ADCY3: variants seen among roughly 807,000 people sequenced by gnomAD.
ADCY3 encodes adenylate cyclase type 3.
Under a neutral mutation model 119.4 loss-of-function variants are expected in ADCY3, and 70 were observed. The ratio of observed to expected loss-of-function variants is 0.59; its 90% confidence interval spans 0.48 to 0.72. ADCY3 has a LOEUF of 0.72. Among genes scored for constraint, ADCY3 ranks in the 30% least tolerant of loss-of-function variants. The probability of loss-of-function intolerance (pLI) is 0.00; values close to 1 mark genes in which losing one functional copy is unlikely to be tolerated. For missense variants in ADCY3, 1,238 were observed against 1,541.6 expected, an observed-to-expected ratio of 0.80 and a Z score of 3.30; for synonymous variants, 672 against 621.4, an observed-to-expected ratio of 1.08 and a Z score of -1.21.
At chr2:24,856,928 G>A (rs1392074630) in intron 3 of ADCY3, among the ~76,000 whole-genome samples, 2 of 152,190 alleles carry the variant, frequency 1.3e-5, no homozygotes, top group Non-Finnish European at 2.9e-5. Context: ...CTGCATAACT[G>A]TAAAAGTCAG....
intron 16 of ADCY3, 114 bp downstream of exon 16, chr2:24,825,930 TG>T: frequency 1.0e-6 from 1 of 973,188 alleles, no homozygotes; most frequent in Non-Finnish European, 1.6e-6. Context: ...CGTGTGGGGC[TG>T]GGTGAAGGGA....
At position 24,821,578 on chromosome 2, in the gene ADCY3, G is replaced by A. The variant is rs758865596; in HGVS notation, c.3066C>T (p.Ala1022=). ...TGATGTTGGTGAGCGTATCCTTCAT[G>A]GCCAGCGCGAAGTCGGCCAGGTCAG... The part of the protein sequence containing the change: ...HLADLADFAL[A]MKDTLTNINN... Residue 1022 remains alanine, a synonymous_variant, in exon 20 of 22, where the codon GCC becomes GCT. Coordinates refer to ENST00000679454, the MANE Select transcript of ADCY3 (RefSeq NM_004036.5). 2 of 1,614,158 alleles carry A rather than the reference G, an allele frequency of 1.2e-6. No individual in the cohort carries two copies. The highest frequency in any genetic ancestry group is 2.2e-5 in the South Asian group (2 of 91,072).
intron 2 of ADCY3, among the ~76,000 whole-genome samples, chr2:24,882,335 G>A (rs146117552): frequency 2.6e-5 from 4 of 152,304 alleles, no homozygotes; most frequent in African/African-American, 9.6e-5. Context: ...CTAGGCTTTG[G>A]AGGAGTTGGT....
At position 24,842,171 on chromosome 2, in the gene ADCY3, C is replaced by A; in HGVS notation, c.956+83G>T. The A allele has an allele frequency of 6.3e-7, 1 of 1,590,440 alleles. No individual in the cohort carries two copies. The highest frequency in any genetic ancestry group is 8.6e-7 in the Non-Finnish European group (1 of 1,168,760). The stretch of plus-strand genomic sequence containing the variant: ...TAGTCCCTGGAAAACCTCTTGAAGC[C>A]CACAGCACCTAGCGGGTCCCACAAA... On this transcript the variant is annotated intron_variant, in intron 4 of 21. Transcript: ENST00000679454. This position sits in a 1 kb window ranked among gnomAD's most constrained non-coding sequence, Gnocchi z 4.9.
chr2:24,832,594 TC>T (rs2148489332), intron 11 of ADCY3, among the ~76,000 whole-genome samples: 2 of 152,224 alleles, frequency 1.3e-5, no homozygotes, highest in South Asian at 4.1e-4. Flanking sequence ...TAAATCCATG[TC>T]CCATTTTCAG....
intron 2 of ADCY3, among the ~76,000 whole-genome samples, chr2:24,915,937 T>C (rs1664395999): frequency 2.0e-5 from 3 of 152,198 alleles, no homozygotes; most frequent in South Asian, 4.2e-4. Context: ...TTTTAAAAAG[T>C]CACATTAGTC....
intron 3 of ADCY3, among the ~76,000 whole-genome samples, chr2:24,846,977 C>T (rs556511065): frequency 6.6e-6 from 1 of 152,206 alleles, no homozygotes; most frequent in South Asian, 2.1e-4. Context: ...TGAGTTAAGA[C>T]TTTGGGGGGA....
chr2:24,910,638 T>C (rs1211340936), intron 2 of ADCY3, among the ~76,000 whole-genome samples: 1 of 151,358 alleles, frequency 6.6e-6, no homozygotes, highest in East Asian at 1.9e-4. Context: ...AAATGCAATT[T>C]AATATTTCCT....
intron 3 of ADCY3, among the ~76,000 whole-genome samples, chr2:24,844,637 C>T (rs1671460111): frequency 6.6e-6 from 1 of 152,226 alleles, no homozygotes; most frequent in Non-Finnish European, 1.5e-5. Flanking sequence ...GCCCTCAGCA[C>T]CTGGTAAACC....
intron 2 of ADCY3, among the ~76,000 whole-genome samples, chr2:24,884,421 C>T (rs1367241439): frequency 1.3e-5 from 2 of 151,476 alleles, no homozygotes; most frequent in African/African-American, 4.9e-5. Context: ...CTTCCTATGC[C>T]TATCCCCTAT....
intron 2 of ADCY3, among the ~76,000 whole-genome samples, chr2:24,902,772 G>A (rs1374790460): frequency 1.8e-4 from 27 of 152,186 alleles, no homozygotes; most frequent in Admixed American, 1.8e-3. Context: ...GCTCGTGCCT[G>A]TAATCCCAGC....
At chr2:24,850,324 A>T (rs1399846037) in intron 3 of ADCY3, among the ~76,000 whole-genome samples, 3 of 152,140 alleles carry the variant, frequency 2.0e-5, no homozygotes, top group African/African-American at 4.8e-5. Flanking sequence ...AAATGCTCAT[A>T]CACACACAGA....
chr2:24,862,163 T>C (rs1673738530), intron 3 of ADCY3, among the ~76,000 whole-genome samples: 1 of 151,644 alleles, frequency 6.6e-6, no homozygotes, highest in Admixed American at 6.6e-5. Context: ...AGCATAGGAC[T>C]GTGGGACTGT....
At chr2:24,839,575 T>C (rs912162179) in intron 7 of ADCY3, among the ~76,000 whole-genome samples, 26 of 152,040 alleles carry the variant, frequency 1.7e-4, no homozygotes, top group African/African-American at 6.3e-4. Context: ...GCCCCCTTAG[T>C]GGGTAAAGGG....
chr2:24,858,211 T>C (rs1339843558), intron 3 of ADCY3, among the ~76,000 whole-genome samples: 5 of 149,616 alleles, frequency 3.3e-5, no homozygotes, highest in African/African-American at 1.3e-4. Flanking sequence ...CCATGTCTGG[T>C]GTTGGACTCC....
chr2:24,911,106 A>C (rs1663561768), intron 2 of ADCY3, among the ~76,000 whole-genome samples: 1 of 151,750 alleles, frequency 6.6e-6, no homozygotes, highest in Non-Finnish European at 1.5e-5. Context: ...TGCCCCCAAA[A>C]ACACCTCCTC....
At position 24,842,584 on chromosome 2, in the gene ADCY3, G is replaced by A. The variant is rs949753419; in HGVS notation, c.826-200C>T. 1.6e-6 allele frequency: 1 copy of A among 629,370 alleles called. No individual in the cohort carries two copies. The highest frequency in any genetic ancestry group is 1.9e-5 in the South Asian group (1 of 51,330). 39.0% of individuals were successfully genotyped at this position (629,370 alleles called of 1,614,324 possible). Reference sequence around the variant, plus strand: ...AGCTTCTGGCCCTGACAAGGCTGAGGGTGGCAATGGCCCCTTCAGAGCAAC... The same window carrying A: ...AGCTTCTGGCCCTGACAAGGCTGAGAGTGGCAATGGCCCCTTCAGAGCAAC... On this transcript the variant is annotated intron_variant, in intron 3 of 21. Coordinates refer to ENST00000679454, the MANE Select transcript of ADCY3 (RefSeq NM_004036.5). This position sits in a 1 kb window ranked among gnomAD's most constrained non-coding sequence, Gnocchi z 4.9.
intron 3 of ADCY3, among the ~76,000 whole-genome samples, chr2:24,856,279 T>C (rs1672990422): frequency 6.6e-6 from 1 of 152,192 alleles, no homozygotes; most frequent in African/African-American, 2.4e-5. Context: ...GAGGTATGTA[T>C]ATGAAGTCTG....
rs1259141112 is a variant in ADCY3, at chr2:24,898,004, C to T, written c.675+20309G>A. Among the ~76,000 whole-genome samples the T allele has an allele frequency of 3.3e-5, 5 of 152,284 alleles. No homozygotes were observed. In the East Asian group the frequency reaches 9.7e-4, roughly 29 times the overall value. ...CTGTCCACTGTCTACAAAATGGAGT[C>T]AGAACTGTCTCATATGGCTTTTACT... On this transcript the variant is annotated intron_variant, in intron 2 of 21. Coordinates refer to ENST00000679454, the MANE Select transcript of ADCY3 (RefSeq NM_004036.5). This position sits in a 1 kb window ranked among gnomAD's most constrained non-coding sequence, Gnocchi z 4.3.
Sources: allele counts gnomAD v4.1 joint callset (sites outside exome capture counted in the v4.1 genomes callset), GRCh38; gene constraint gnomAD v4.1.1; non-coding constraint Gnocchi (gnomAD v3.1); transcripts MANE v1.5; gene names NCBI Gene and HGNC (gene_info 2026-07-23, HGNC 2026-07-21).